MYO1D: variants seen among roughly 807,000 people sequenced by gnomAD.
MYO1D encodes the protein myosin ID.
Under a neutral mutation model 122.0 loss-of-function variants are expected in MYO1D, and 83 were observed. That is an observed-to-expected ratio of 0.68 (90% CI 0.57 to 0.82). The LOEUF is 0.82. Ranked by LOEUF, MYO1D falls within the 40% of genes least tolerant of loss-of-function variation. The pLI, the probability that MYO1D is intolerant of heterozygous loss-of-function variation, is 0.00. For missense variants in MYO1D, 1,157 were observed against 1,269.5 expected, an observed-to-expected ratio of 0.91 and a Z score of 1.35; for synonymous variants, 464 against 446.9, an observed-to-expected ratio of 1.04 and a Z score of -0.48.
At chr17:32,613,073 T>G (rs1365156899) in intron 20 of MYO1D, among the ~76,000 whole-genome samples, 2 of 152,120 alleles carry the variant, frequency 1.3e-5, no homozygotes, top group African/African-American at 4.8e-5. Flanking sequence ...AGGCCTGAAA[T>G]GCATGATTTT....
chr17:32,859,607 G>T (rs1002058877), intron 1 of MYO1D, among the ~76,000 whole-genome samples: 1 of 152,134 alleles, frequency 6.6e-6, no homozygotes, highest in African/African-American at 2.4e-5. Context: ...TTACCCACTG[G>T]CATGAATTCT....
At chr17:32,681,138 CTCTT>C (rs1161246599) in intron 16 of MYO1D, among the ~76,000 whole-genome samples, 4 of 151,850 alleles carry the variant, frequency 2.6e-5, no homozygotes, top group Non-Finnish European at 4.4e-5. Context: ...TGATTCTTCT[CTCTT>C]TTTTTCTTTA....
At chr17:32,657,569 C>T (rs1026494136) in intron 17 of MYO1D, among the ~76,000 whole-genome samples, 6 of 152,218 alleles carry the variant, frequency 3.9e-5, no homozygotes, top group South Asian at 2.1e-4. Flanking sequence ...TGTGCGCGTG[C>T]GAGTGTGCTT....
chr17:32,655,075 A>G (rs1460290805), intron 17 of MYO1D, among the ~76,000 whole-genome samples: 3 of 152,392 alleles, frequency 2.0e-5, no homozygotes, highest in East Asian at 1.9e-4. Flanking sequence ...AAATACACAC[A>G]GAAGTTGCTA....
Position 32,755,580 on chromosome 17 carries a change from C to A in MYO1D, c.1379G>T (p.Cys460Phe), listed in dbSNP as rs755270935. The A allele has an allele frequency of 6.2e-7, 1 of 1,613,942 alleles. No homozygotes were observed. Among genetic ancestry groups the A allele is most frequent in the Non-Finnish European group, 8.5e-7 (1 of 1,179,874 alleles). Residue 460 changes from cysteine (C) to phenylalanine (F), a missense_variant, in exon 11 of 22, where the codon TGC becomes TTC. Physicochemically the swap from Cys to Phe is radical, Grantham distance 205. Transcript: ENST00000318217. ...ATCGGTGACTTTGCCGACATTCATG[C>A]AAGCATCATCAAGGATTGCAATGAT... Reference protein sequence around the residue: ...KGIIAILDDACMNVGKVTDEM... With the variant: ...KGIIAILDDAFMNVGKVTDEM...
chr17:32,511,188 A>C (rs868125251), intron 21 of MYO1D, among the ~76,000 whole-genome samples: 22 of 147,098 alleles, frequency 1.5e-4, no homozygotes, highest in African/African-American at 5.0e-4. Flanking sequence ...TCCTTCTTCT[A>C]CCTCCCCTAC....
intron 20 of MYO1D, among the ~76,000 whole-genome samples, chr17:32,619,830 A>G (rs1447068707): frequency 6.6e-6 from 1 of 152,218 alleles, no homozygotes; most frequent in Admixed American, 6.5e-5. Context: ...GCAAAATAAA[A>G]AAAGATTATT....
At chr17:32,809,912 T>C (rs1356094450) in intron 1 of MYO1D, among the ~76,000 whole-genome samples, 1 of 152,208 alleles carries the variant, frequency 6.6e-6, no homozygotes, top group Non-Finnish European at 1.5e-5. Flanking sequence ...TTCACAATGA[T>C]CAATGATCTG....
chr17:32,524,683 C>A (rs1370254815), intron 21 of MYO1D, among the ~76,000 whole-genome samples: 2 of 151,992 alleles, frequency 1.3e-5, no homozygotes, highest in East Asian at 3.9e-4. Context: ...CTGCCTCAGC[C>A]TCCTGAGTAG....
chr17:32,775,214 T>C (rs1397456250), intron 4 of MYO1D, among the ~76,000 whole-genome samples: 2 of 152,108 alleles, frequency 1.3e-5, no homozygotes, highest in African/African-American at 4.8e-5. Context: ...GGTGGGAGGA[T>C]TGCTTGAGCC....
intron 14 of MYO1D, 99 bp downstream of exon 14, chr17:32,738,154 A>C: frequency 7.6e-6 from 8 of 1,049,036 alleles, no homozygotes; most frequent in Non-Finnish European, 1.1e-5. Flanking sequence ...TCTTCAATCT[A>C]CATGATTACC....
chr17:32,690,082 T>TA (rs1003424529), intron 16 of MYO1D, among the ~76,000 whole-genome samples: 11 of 152,282 alleles, frequency 7.2e-5, no homozygotes, highest in Admixed American at 5.9e-4. Context: ...TCCTGATATA[T>TA]TTTTTACTTA....
chr17:32,618,915 G>T (rs1252947719), intron 20 of MYO1D, among the ~76,000 whole-genome samples: 1 of 152,126 alleles, frequency 6.6e-6, no homozygotes, highest in Admixed American at 6.6e-5. Flanking sequence ...GATTACAGGC[G>T]TGAGTCACTG....
At chr17:32,717,825 G>C (rs1034332981) in intron 15 of MYO1D, among the ~76,000 whole-genome samples, 3 of 152,088 alleles carry the variant, frequency 2.0e-5, no homozygotes, top group African/African-American at 7.2e-5. Flanking sequence ...GTATTTTTAA[G>C]TTTTTAAAAA....
At chr17:32,840,204 T>C (rs1225023682) in intron 1 of MYO1D, among the ~76,000 whole-genome samples, 1 of 152,232 alleles carries the variant, frequency 6.6e-6, no homozygotes, top group Non-Finnish European at 1.5e-5. Flanking sequence ...CCCAGGGTGT[T>C]ACTGGCGCAC....
chr17:32,793,299 A>C (rs991322279), intron 1 of MYO1D, among the ~76,000 whole-genome samples: 1 of 149,330 alleles, frequency 6.7e-6, no homozygotes, highest in African/African-American at 2.6e-5. Flanking sequence ...AGAGGGTTTA[A>C]AAACTAGGCT....
chr17:32,594,340 T>C (rs564244431), intron 21 of MYO1D: 9 of 395,358 alleles, frequency 2.3e-5, no homozygotes, highest in Non-Finnish European at 2.7e-5. Context: ...CTTCAAACTT[T>C]CCTTTCACAT....
chr17:32,532,658 G>A (rs757863120), intron 21 of MYO1D, among the ~76,000 whole-genome samples: 8 of 151,036 alleles, frequency 5.3e-5, no homozygotes, highest in Non-Finnish European at 1.2e-4. Flanking sequence ...CCTGGGAGGC[G>A]GAGCTTGGAG....
At chr17:32,823,289 A>C (rs2090691181) in intron 1 of MYO1D, among the ~76,000 whole-genome samples, 1 of 152,188 alleles carries the variant, frequency 6.6e-6, no homozygotes. Context: ...CTGAGTGAGC[A>C]CCCAGGGTCA....
Sources: allele counts gnomAD v4.1 joint callset (sites outside exome capture counted in the v4.1 genomes callset), GRCh38; gene constraint gnomAD v4.1.1; transcripts MANE v1.5; gene names NCBI Gene and HGNC (gene_info 2026-07-23, HGNC 2026-07-21).